Variants in PITPNA observed in about 807,000 individuals in gnomAD.
PITPNA encodes phosphatidylinositol transfer protein alpha.
Under a neutral mutation model 50.3 loss-of-function variants are expected in PITPNA, and 13 were observed. The ratio of observed to expected loss-of-function variants is 0.26; its 90% confidence interval spans 0.17 to 0.41. The LOEUF (loss-of-function observed/expected upper bound fraction) is 0.41, where lower values mean the gene tolerates loss of function less well. Ranked by LOEUF, PITPNA falls within the 10% of genes least tolerant of loss-of-function variation. PITPNA has a pLI of 1.00. For synonymous variants in PITPNA, 120 were observed against 119.6 expected (o/e 1.00, Z -0.02); for missense variants, 207 against 333.4 (o/e 0.62, Z 2.95).
At chr17:1,554,579 T>C (rs999906818) in intron 2 of PITPNA, among the ~76,000 whole-genome samples, 4 of 151,814 alleles carry the variant, frequency 2.6e-5, no homozygotes, top group African/African-American at 9.7e-5. Context: ...AAAGGATGTA[T>C]CTCTAGGCAA....
At chr17:1,559,469 G>A (rs1197494059) in intron 1 of PITPNA, 1 of 152,292 alleles carries the variant, frequency 6.6e-6, no homozygotes, top group African/African-American at 2.4e-5. Context: ...GTTCAAAGCT[G>A]TGAGGCGGGA....
In PITPNA at chr17:1,535,348, G is replaced by A. The variant is rs569988380; in HGVS notation, c.535-56C>T. On this transcript the variant is annotated intron_variant, in intron 8 of 11. Coordinates refer to ENST00000313486, the MANE Select transcript of PITPNA (RefSeq NM_006224.4). ...AGTAACAACGGGCAGACCTCAGGCC[G>A]TCCCCAGCTCACCCCAGCCATGCCC... 457 of 1,508,894 alleles carry A rather than the reference G, an allele frequency of 3.0e-4. 1 individual carries two copies. The highest frequency in any genetic ancestry group is 3.9e-4 in the Non-Finnish European group (428 of 1,085,122). 93.5% of individuals were successfully genotyped at this position (1,508,894 alleles called of 1,614,324 possible). A position where few individuals can be genotyped will look rare whatever the true frequency, so the allele number is the denominator to read the frequency against.
intron 2 of PITPNA, among the ~76,000 whole-genome samples, chr17:1,554,855 G>A (rs1015258140): frequency 6.6e-5 from 10 of 152,188 alleles, no homozygotes; most frequent in Non-Finnish European, 1.2e-4. Flanking sequence ...TCCATACAGA[G>A]GAACATATGG....
intron 4 of PITPNA, among the ~76,000 whole-genome samples, chr17:1,547,217 C>T (rs2075679567): frequency 6.7e-6 from 1 of 149,154 alleles, no homozygotes; most frequent in Non-Finnish European, 1.5e-5. Flanking sequence ...AAAAAAAAAC[C>T]TAGCCGGACA....
chr17:1,553,781 AACTGGC>A (rs1184394359), intron 2 of PITPNA, among the ~76,000 whole-genome samples: 11 of 152,134 alleles, frequency 7.2e-5, no homozygotes, highest in African/African-American at 2.7e-4. Flanking sequence ...TCTATCGTAA[AACTGGC>A]TCATCTACTC....
At chr17:1,524,293 C>T (rs539408371) in intron 10 of PITPNA, among the ~76,000 whole-genome samples, 1 of 150,388 alleles carries the variant, frequency 6.6e-6, no homozygotes, top group African/African-American at 2.5e-5. Context: ...ATCCGCCCGC[C>T]TTGGCCTCCC....
At chr17:1,531,835 A>G (rs751875227) in intron 10 of PITPNA, among the ~76,000 whole-genome samples, 5 of 152,174 alleles carry the variant, frequency 3.3e-5, no homozygotes, top group East Asian at 1.9e-4. Flanking sequence ...GATGAAACAT[A>G]TATTTTTAGA....
chr17:1,548,175 C>T (rs548911787), intron 4 of PITPNA, 121 bp downstream of exon 4: 6 of 621,622 alleles, frequency 9.7e-6, no homozygotes, highest in African/African-American at 9.2e-5. Flanking sequence ...CACTGATACC[C>T]ACCATCAGCC....
At chr17:1,547,176 A>G in intron 4 of PITPNA, among the ~76,000 whole-genome samples, 1 of 145,238 alleles carries the variant, frequency 6.9e-6, no homozygotes, top group East Asian at 2.1e-4. Flanking sequence ...CCTGGGCAAC[A>G]TGGTGAGACC....
chr17:1,554,959 C>G (rs936757626), intron 2 of PITPNA, among the ~76,000 whole-genome samples: 1 of 152,178 alleles, frequency 6.6e-6, no homozygotes, highest in East Asian at 1.9e-4. Flanking sequence ...TGTGCCTCTC[C>G]AAGTCCACCA....
At chr17:1,544,278 C>T (rs1478587009) in intron 4 of PITPNA, among the ~76,000 whole-genome samples, 2 of 152,134 alleles carry the variant, frequency 1.3e-5, no homozygotes, top group Non-Finnish European at 2.9e-5. Flanking sequence ...AAAAGAATGC[C>T]CTGATCATCG....
At chr17:1,542,989 C>T in intron 5 of PITPNA, 31 bp downstream of exon 5, 1 of 1,550,600 alleles carries the variant, frequency 6.4e-7, no homozygotes, top group Non-Finnish European at 8.8e-7. Context: ...TATACATCAT[C>T]TACAGTTCCA....
rs1453000379 is a variant in PITPNA, at chr17:1,519,136, C to T, written c.*1425G>A. On this transcript the variant is annotated 3_prime_UTR_variant, in exon 12 of 12. Transcript: ENST00000313486. ...CTTAGAAATGAGTAAGGCAAACAAACTGACAAAAACAGGATACATTCTCCC... is the reference window on the plus strand; with the variant it reads ...CTTAGAAATGAGTAAGGCAAACAAATTGACAAAAACAGGATACATTCTCCC... 6.6e-6 allele frequency: 1 copy of T among 152,538 alleles called. No individual in the cohort carries two copies. The highest frequency in any genetic ancestry group is 2.4e-5 in the African/African-American group (1 of 41,446). The allele number at this position is 152,538 out of a possible 1,614,324, so 9.4% of individuals were successfully genotyped here.
intron 11 of PITPNA, among the ~76,000 whole-genome samples, chr17:1,520,781 C>T (rs887007115): frequency 1.3e-5 from 2 of 152,236 alleles, no homozygotes. Context: ...GTAAGCAGGG[C>T]CTGCCGTCAC....
intron 10 of PITPNA, among the ~76,000 whole-genome samples, chr17:1,524,273 T>G (rs938244948): frequency 6.8e-6 from 1 of 147,970 alleles, no homozygotes; most frequent in Non-Finnish European, 1.5e-5. Flanking sequence ...CTCCATGTCC[T>G]GACCTCATGA....
intron 5 of PITPNA, 148 bp from the exon 6 acceptor site, chr17:1,541,788 G>A (rs1274397451): frequency 2.2e-5 from 16 of 712,734 alleles, no homozygotes; most frequent in Non-Finnish European, 3.9e-5. Context: ...TTGACTGGGA[G>A]CCCACGACAC....
chr17:1,523,498 C>T (rs570215822), intron 10 of PITPNA, among the ~76,000 whole-genome samples: 3 of 148,012 alleles, frequency 2.0e-5, no homozygotes, highest in Admixed American at 6.7e-5. Context: ...TGTGCCACCA[C>T]GCCTGGCTTT....
chr17:1,547,384 T>C (rs889800334), intron 4 of PITPNA, among the ~76,000 whole-genome samples: 3 of 151,802 alleles, frequency 2.0e-5, no homozygotes, highest in African/African-American at 7.3e-5. Flanking sequence ...AAATTAGTAA[T>C]CATATTAGTA....
chr17:1,534,191 T>C lies in PITPNA; in HGVS notation c.676A>G (p.Arg226Gly). The change falls in exon 10 of 12, where the codon AGG (arginine) becomes GGG (glycine). Residue 226 changes from arginine (R) to glycine (G), a missense_variant. Coordinates refer to ENST00000313486, the MANE Select transcript of PITPNA (RefSeq NM_006224.4). ...TTATCGAGCCAACAGAACAGCTGCC[T>C]GTGGAAGTTTGTAAACAGACGCCTC... ...QERRLFTNFHRQLFCWLDKWV... is the reference protein window; with the variant it reads ...QERRLFTNFHGQLFCWLDKWV... 1 of 1,613,920 alleles carries C rather than the reference T, an allele frequency of 6.2e-7. No individual in the cohort carries two copies. The highest frequency in any genetic ancestry group is 8.5e-7 in the Non-Finnish European group (1 of 1,179,858).
Sources: gnomAD v4.1 joint callset for allele counts (sites outside exome capture counted in the v4.1 genomes callset) on GRCh38, gnomAD v4.1.1 for gene constraint, MANE v1.5 for transcripts, NCBI Gene and HGNC (gene_info 2026-07-23, HGNC 2026-07-21) for gene names.